The following JAK2 variants were observed in gnomAD, a reference collection of about 807,000 sequenced individuals.
The protein encoded by JAK2 is Janus kinase 2.
Under a neutral mutation model 139.3 loss-of-function variants are expected in JAK2, and 86 were observed. The observed-to-expected ratio is 0.62, with a 90% CI of 0.52 to 0.74. The LOEUF is 0.74. Ranked by LOEUF, JAK2 falls within the 30% of genes least tolerant of loss-of-function variation. JAK2 has a pLI of 0.00. For missense variants in JAK2, 1,421 were observed against 1,360.3 expected (o/e 1.04, Z -0.70); for synonymous variants, 490 against 437.7 (o/e 1.12, Z -1.49).
intron 2 of JAK2, among the ~76,000 whole-genome samples, chr9:5,020,133 A>G (rs1349157809): frequency 6.6e-6 from 1 of 151,854 alleles, no homozygotes; most frequent in Non-Finnish European, 1.5e-5. Context: ...TGGTAGGAGA[A>G]CCTCTGGCTG....
rs375456303 is a variant in JAK2 at position 5,068,380 on chromosome 9, AATT to A, written c.1327-639_1327-637del. Among the ~76,000 whole-genome samples the A allele has an allele frequency of 4.6e-3, 702 of 152,334 alleles. 5 individuals are homozygous for A. Among genetic ancestry groups the A allele is most frequent in the African/African-American group, 0.016 (666 of 41,576 alleles). ...ATATTAAAAATGTAATATTAAAGAT[AATT>A]ATACAAATACAATGGTGGTGCAGTG... On this transcript the variant is annotated intron_variant, in intron 10 of 24. Coordinates refer to ENST00000381652, the MANE Select transcript of JAK2 (RefSeq NM_004972.4).
chr9:5,021,838 G>A, intron 2 of JAK2, 125 bp from the exon 3 acceptor site: 3 of 604,568 alleles, frequency 5.0e-6, no homozygotes, highest in Non-Finnish European at 8.8e-6. Context: ...TCACCATGTT[G>A]CTGAGGCTTG....
chr9:5,116,142 A>G (rs990017252), intron 22 of JAK2, among the ~76,000 whole-genome samples: 1 of 152,194 alleles, frequency 6.6e-6, no homozygotes, highest in African/African-American at 2.4e-5. Flanking sequence ...TTTAATCCTC[A>G]TAACAACCCT....
chr9:5,060,940 C>T (rs1230520344), intron 8 of JAK2, among the ~76,000 whole-genome samples: 3 of 152,204 alleles, frequency 2.0e-5, no homozygotes, highest in Non-Finnish European at 4.4e-5. Flanking sequence ...GATGTTGTGT[C>T]ACCAGGTCTG....
chr9:5,022,217 A>T lies in JAK2; in HGVS notation c.226+4A>T. On this transcript the variant is annotated splice_donor_region_variant and intron_variant, in intron 3 of 24. Coordinates refer to ENST00000381652, the MANE Select transcript of JAK2 (RefSeq NM_004972.4). ...ATTGCTGCTTCTAAAGCTTGTGGTA[A>T]GTATTAAAAAACAGCATTTTCCTTT... The T allele has an allele frequency of 6.2e-7, 1 of 1,606,710 alleles. No individual in the cohort carries two copies. The highest frequency in any genetic ancestry group is 8.5e-7 in the Non-Finnish European group (1 of 1,173,738).
At chr9:5,037,376 T>C (rs1008911597) in intron 4 of JAK2, among the ~76,000 whole-genome samples, 6 of 152,192 alleles carry the variant, frequency 3.9e-5, no homozygotes, top group African/African-American at 1.4e-4. Context: ...CAAAGGATTA[T>C]AAATCATGCT....
chr9:5,117,357 T>C (rs1018197703), intron 22 of JAK2, among the ~76,000 whole-genome samples: 1 of 152,340 alleles, frequency 6.6e-6, no homozygotes. Flanking sequence ...GGGAATAACA[T>C]GGTGAGATTC....
chr9:5,077,904 T>C (rs1010347465), intron 15 of JAK2, among the ~76,000 whole-genome samples: 5 of 152,198 alleles, frequency 3.3e-5, no homozygotes, highest in African/African-American at 9.6e-5. Context: ...TTGTACATTA[T>C]GGTCCATGAG....
At chr9:5,043,143 G>GC (rs1816737200) in intron 4 of JAK2, among the ~76,000 whole-genome samples, 1 of 152,242 alleles carries the variant, frequency 6.6e-6, no homozygotes, top group Non-Finnish European at 1.5e-5. Context: ...AGGTGTATGT[G>GC]CAGGGGGGTC....
At chr9:5,035,831 T>A (rs1193597038) in intron 4 of JAK2, among the ~76,000 whole-genome samples, 1 of 152,206 alleles carries the variant, frequency 6.6e-6, no homozygotes, top group Non-Finnish European at 1.5e-5. Flanking sequence ...AAGACAGGGA[T>A]GCCCTCTCTC....
At chr9:5,005,115 T>A (rs1305514264) in intron 2 of JAK2, among the ~76,000 whole-genome samples, 1 of 94,552 alleles carries the variant, frequency 1.1e-5, no homozygotes, top group Non-Finnish European at 2.1e-5. Flanking sequence ...TTTTTTTTTT[T>A]TTTTTTTTTT....
At chr9:5,059,376 A>C (rs1048992914) in intron 8 of JAK2, among the ~76,000 whole-genome samples, 1 of 152,142 alleles carries the variant, frequency 6.6e-6, no homozygotes, top group Non-Finnish European at 1.5e-5. Context: ...AGATTCATTT[A>C]TGTTGTTACA....
chr9:5,020,004 A>G (rs1164636516), intron 2 of JAK2, among the ~76,000 whole-genome samples: 1 of 152,072 alleles, frequency 6.6e-6, no homozygotes, highest in Non-Finnish European at 1.5e-5. Context: ...CAGGCAGTCC[A>G]ATTTTTGGGT....
At chr9:5,064,082 G>C (rs1406890330) in intron 8 of JAK2, among the ~76,000 whole-genome samples, 2 of 152,304 alleles carry the variant, frequency 1.3e-5, no homozygotes, top group East Asian at 3.9e-4. Context: ...CTTGAACCCA[G>C]GAGGCAGAAG....
At chr9:5,119,052 T>G (rs960051714) in intron 22 of JAK2, among the ~76,000 whole-genome samples, 1 of 151,214 alleles carries the variant, frequency 6.6e-6, no homozygotes, top group African/African-American at 2.5e-5. Flanking sequence ...TATTAATACA[T>G]TATTATTAAC....
At chr9:5,114,205 G>A (rs116228044) in intron 22 of JAK2, 21 of 485,838 alleles carry the variant, frequency 4.3e-5, no homozygotes, top group Middle Eastern at 3.5e-4. Context: ...TACCTGAGCC[G>A]GTCCAGCCCC....
intron 22 of JAK2, among the ~76,000 whole-genome samples, chr9:5,093,597 T>A (rs1404278446): frequency 3.9e-5 from 6 of 152,156 alleles, no homozygotes; most frequent in Non-Finnish European, 7.4e-5. Context: ...ACCTACTATC[T>A]CTGCATTAAA....
At chr9:5,098,911 G>A (rs1821244272) in intron 22 of JAK2, 1 of 152,034 alleles carries the variant, frequency 6.6e-6, no homozygotes, top group Admixed American at 6.6e-5. Flanking sequence ...AGCCAGGATG[G>A]TCTTCATCTC....
intron 19 of JAK2, among the ~76,000 whole-genome samples, chr9:5,083,092 C>G (rs575124561): frequency 6.6e-6 from 1 of 152,286 alleles, no homozygotes; most frequent in South Asian, 2.1e-4. Flanking sequence ...ATTGACTTGA[C>G]CAAGAGACTG....
Sources: allele counts gnomAD v4.1 joint callset (sites outside exome capture counted in the v4.1 genomes callset), GRCh38; gene constraint gnomAD v4.1.1; transcripts MANE v1.5; gene names NCBI Gene and HGNC (gene_info 2026-07-23, HGNC 2026-07-21).